Variants in ADGRF3 observed in about 807,000 individuals in gnomAD.
ADGRF3 encodes the protein adhesion G protein-coupled receptor F3, also known as G protein-coupled receptor 113.
In ADGRF3, 85 loss-of-function variants were observed where a neutral mutation model predicts 93.2. The ratio of observed to expected loss-of-function variants is 0.91; its 90% CI spans 0.77 to 1.09. The LOEUF is 1.09. Ranked by LOEUF, ADGRF3 falls within the 50% of genes least tolerant of loss-of-function variation. The pLI, the probability that ADGRF3 is intolerant of heterozygous loss-of-function variation, is 0.00. For synonymous variants in ADGRF3, 534 were observed against 532.5 expected (o/e 1.00, Z -0.04); for missense variants, 1,125 against 1,246.2 (o/e 0.90, Z 1.46).
chr2:26,316,277 G>C lies in ADGRF3; in HGVS notation c.497C>G (p.Pro166Arg). 1 of 1,551,366 alleles carries C rather than the reference G, an allele frequency of 6.4e-7. No individual in the cohort carries two copies. The highest frequency in any genetic ancestry group is 1.2e-5 in the South Asian group (1 of 83,968). The change falls in exon 4 of 14, where the codon CCT (proline) becomes CGT (arginine). Residue 166 changes from proline to arginine, a missense_variant and splice_region_variant. Coordinates refer to ENST00000651242, the MANE Select transcript of ADGRF3 (RefSeq NM_001321971.2). ...TCCAAGTTCCCAACCTTCCTCACCA[G>C]GTGGCAGCAACTGGCAGTACCCGGG... is the stretch of plus-strand genomic sequence containing the variant. ...PEPGYCQLLP[P>R]VPGILNLNSQ... is the part of the protein sequence containing the mutation.
chr2:26,338,339 C>A (rs796320402), intron 1 of ADGRF3, among the ~76,000 whole-genome samples: 11 of 152,232 alleles, frequency 7.2e-5, no homozygotes, highest in African/African-American at 2.6e-4. Flanking sequence ...CAGAGTGAGA[C>A]CCTGTCTCTA....
At chr2:26,346,039 G>A (rs1356925520) in intron 1 of ADGRF3, 82 bp downstream of exon 1, 2 of 1,394,028 alleles carry the variant, frequency 1.4e-6, no homozygotes, top group Non-Finnish European at 1.9e-6. Flanking sequence ...GGAGAAGCGT[G>A]GGCTGCGCTT....
intron 1 of ADGRF3, among the ~76,000 whole-genome samples, chr2:26,344,733 G>A (rs767203815): frequency 2.0e-5 from 3 of 152,116 alleles, no homozygotes; most frequent in Non-Finnish European, 4.4e-5. Context: ...CTTGGGAGAC[G>A]GAAGCAAGAT....
Position 26,317,095 on chromosome 2 carries a change from G to A in ADGRF3, c.182-40C>T, listed in dbSNP as rs115791736. 4.0e-3 allele frequency: 6,245 copies of A among 1,561,716 alleles called. 197 individuals carry two copies. The African/African-American group carries it at 0.076, about 19-fold the overall frequency. On this transcript the variant is annotated intron_variant, in intron 2 of 13. Coordinates refer to ENST00000651242, the MANE Select transcript of ADGRF3 (RefSeq NM_001321971.2). The stretch of plus-strand genomic sequence containing the variant: ...GGGACAGCTGGAGAGGACAGGCAGC[G>A]AGGCCACAAGCCGGTCCCCTCTGGA...
intron 3 of ADGRF3, 131 bp downstream of exon 3, chr2:26,316,781 C>T (rs553948353): frequency 4.1e-5 from 42 of 1,013,170 alleles, no homozygotes; most frequent in Admixed American, 3.0e-4. Flanking sequence ...AGCTGGGCCA[C>T]GGAGACAGAA....
intron 1 of ADGRF3, among the ~76,000 whole-genome samples, chr2:26,343,540 C>T (rs1389474812): frequency 6.6e-6 from 1 of 151,932 alleles, no homozygotes; most frequent in Non-Finnish European, 1.5e-5. Context: ...CCCGGGTTCA[C>T]ACCATTCTCC....
intron 1 of ADGRF3, among the ~76,000 whole-genome samples, chr2:26,342,277 G>C (rs1254411734): frequency 6.6e-6 from 1 of 152,138 alleles, no homozygotes; most frequent in Non-Finnish European, 1.5e-5. Flanking sequence ...GCTCAGGATT[G>C]TTAGTCATGT....
intron 3 of ADGRF3, 59 bp from the exon 4 acceptor site, chr2:26,316,507 G>A (rs926023199): frequency 1.0e-5 from 15 of 1,500,318 alleles, no homozygotes; most frequent in South Asian, 2.5e-5. Flanking sequence ...AGGTGGGCAG[G>A]GCAGACACCT....
chr2:26,317,995 T>C lies in ADGRF3; in HGVS notation c.115-433A>G, dbSNP rs764466717. On this transcript the variant is annotated intron_variant, in intron 1 of 13. Transcript: ENST00000651242. ...CTCTTTCCTCCGTCTTTGGTTCCTG[T>C]ACATTATTTCCTCACCAACTCCTCC... 3.9e-6 allele frequency: 6 copies of C among 1,523,732 alleles called. No homozygotes were observed. The South Asian group carries it at 6.0e-5, about 15-fold the overall frequency. 94.4% of individuals were successfully genotyped at this position (1,523,732 alleles called of 1,614,324 possible).
chr2:26,325,358 T>C (rs1675384494), intron 1 of ADGRF3, among the ~76,000 whole-genome samples: 1 of 152,172 alleles, frequency 6.6e-6, no homozygotes, highest in African/African-American at 2.4e-5. Flanking sequence ...TATGCCTTTA[T>C]AGGAAAAAAG....
intron 1 of ADGRF3, among the ~76,000 whole-genome samples, chr2:26,334,089 G>C (rs974586429): frequency 1.1e-4 from 17 of 151,638 alleles, no homozygotes; most frequent in South Asian, 2.1e-4. Context: ...GCCTCCTAAA[G>C]TGCGTGAGCC....
chr2:26,316,579 T>C (rs1674697224), intron 3 of ADGRF3, 131 bp from the exon 4 acceptor site: 1 of 922,906 alleles, frequency 1.1e-6, no homozygotes. Flanking sequence ...TACAGGTGCC[T>C]CAGTCAGGCC....
intron 1 of ADGRF3, among the ~76,000 whole-genome samples, chr2:26,333,381 G>T (rs981161883): frequency 5.7e-4 from 1 of 1,740 alleles, no homozygotes; most frequent in African/African-American, 9.8e-4. Context: ...CAATACTTAG[G>T]CCACATAAAA....
Position 26,311,671 on chromosome 2 carries a change from A to G in ADGRF3, c.1853T>C (p.Leu618Pro). 3.1e-6 allele frequency: 5 copies of G among 1,613,486 alleles called. No homozygotes were observed. The highest frequency in any genetic ancestry group is 4.2e-6 in the Non-Finnish European group (5 of 1,179,836). The change falls in exon 10 of 14, where the codon CTT (leucine) becomes CCT (proline). Residue 618 changes from leucine to proline, a missense_variant. By Grantham distance (98) the Leu-to-Pro change is moderately conservative (BLOSUM62 -3). Transcript: ENST00000651242. ...DSLYATPGLV[L>P]VISIMAGDRA... ...GTCACCTGCCATGATGGAAATGACAAGGACCAGGCCAGGAGTGGCATAGAG... is the reference window on the plus strand; with the variant it reads ...GTCACCTGCCATGATGGAAATGACAGGGACCAGGCCAGGAGTGGCATAGAG...
Position 26,311,829 on chromosome 2 carries a change from C to A in ADGRF3, c.1695G>T (p.Leu565=), listed in dbSNP as rs146689879. The A allele has an allele frequency of 3.3e-5, 53 of 1,613,850 alleles. No homozygotes were observed. The highest frequency in any genetic ancestry group is 4.5e-5 in the Non-Finnish European group (53 of 1,179,818). Reference sequence around the variant, plus strand: ...GTGAGTGCCTGGGAATCTGAGCCTGCAGTGGGGGCCGAGTAGGGAAGGAGA... The same window carrying A: ...GTGAGTGCCTGGGAATCTGAGCCTGAAGTGGGGGCCGAGTAGGGAAGGAGA... The part of the protein sequence containing the change: ...YSISFPTRPP[L]QAQIPRHSLA... Residue 565 remains leucine (L), a synonymous_variant, in exon 10 of 14, where the codon CTG becomes CTT. Transcript: ENST00000651242.
At chr2:26,330,860 ACTT>A (rs1675731356) in intron 1 of ADGRF3, among the ~76,000 whole-genome samples, 1 of 152,130 alleles carries the variant, frequency 6.6e-6, no homozygotes. Flanking sequence ...TGAATTCTGG[ACTT>A]CTTCCCCAAT....
rs1466940428 is a variant in ADGRF3 at position 26,313,854 on chromosome 2, C to T, written c.978G>A (p.Gln326=). 4 of 1,614,034 alleles carry T rather than the reference C, an allele frequency of 2.5e-6. No homozygotes were observed. The South Asian group carries it at 3.3e-5, about 13-fold the overall frequency. Residue 326 remains glutamine, a synonymous_variant, in exon 7 of 14, where the codon CAG becomes CAA. Coordinates refer to ENST00000651242, the MANE Select transcript of ADGRF3 (RefSeq NM_001321971.2). The part of the protein sequence containing the change: ...SGSQCFVLAV[Q]RCPMADTTYA... The stretch of plus-strand genomic sequence containing the variant: ...ACGTGGTGTCAGCCATCGGGCAGCG[C>T]TGAACAGCCAGCACAAAGCACTGAG...
Position 26,314,446 on chromosome 2 carries a change from G to A in ADGRF3, c.896C>T (p.Thr299Ile), listed in dbSNP as rs368126786. Residue 299 changes from threonine (T) to isoleucine (I), a missense_variant, in exon 6 of 14, where the codon ACC becomes ATC. Transcript: ENST00000651242. ...GCCCTCTCCAGGGCTCCAGGCCGCG[G>A]TGTAGGCCAGGTTTGTGCTGGGGAT... ...CCIPSTNLAY[T>I]AAWSPGEGSK... The A allele has an allele frequency of 5.4e-5, 87 of 1,613,874 alleles. No individual in the cohort carries two copies. The highest frequency in any genetic ancestry group is 7.3e-5 in the Non-Finnish European group (86 of 1,179,908).
rs1674813699 is a variant in ADGRF3, at chr2:26,317,580, G to A, written c.115-18C>T. 1 of 1,560,020 alleles carries A rather than the reference G, an allele frequency of 6.4e-7. No homozygotes were observed. Among genetic ancestry groups the A allele is most frequent in the Non-Finnish European group, 8.7e-7 (1 of 1,151,846 alleles). ...CTCTGTCCCTGGAACAGAACACAGAGGGGAGACCTCAAGTCCCTTCCAAAG... is the reference window on the plus strand; with the variant it reads ...CTCTGTCCCTGGAACAGAACACAGAAGGGAGACCTCAAGTCCCTTCCAAAG... On this transcript the variant is annotated intron_variant, in intron 1 of 13. Coordinates refer to ENST00000651242, the MANE Select transcript of ADGRF3 (RefSeq NM_001321971.2).
Sources: allele counts gnomAD v4.1 joint callset (sites outside exome capture counted in the v4.1 genomes callset), GRCh38; gene constraint gnomAD v4.1.1; transcripts MANE v1.5; gene names NCBI Gene and HGNC (gene_info 2026-07-23, HGNC 2026-07-21).